Variants in SESN2 observed in about 807,000 individuals in gnomAD.
SESN2 encodes the protein sestrin 2, also known as sestrin-2.
Under a neutral mutation model 56.0 loss-of-function variants are expected in SESN2, and 42 were observed. The ratio of observed to expected loss-of-function variants is 0.75; its 90% CI spans 0.59 to 0.97. The LOEUF (loss-of-function observed/expected upper bound fraction) is 0.97. Ranked by LOEUF, SESN2 falls within the 50% of genes least tolerant of loss-of-function variation. SESN2 has a pLI of 0.00. For synonymous variants in SESN2, 264 were observed against 267.1 expected (o/e 0.99, Z 0.11); for missense variants, 507 against 649.4 (o/e 0.78, Z 2.38).
At chr1:28,260,168 C>T (rs1647322142) in intron 1 of SESN2, among the ~76,000 whole-genome samples, 1 of 148,014 alleles carries the variant, frequency 6.8e-6, no homozygotes, top group Non-Finnish European at 1.5e-5. Flanking sequence ...CCCTCCCTCT[C>T]CCCCTCTCCC....
In SESN2 at chr1:28,273,345, G is replaced by C. The variant is rs1408768020; in HGVS notation, c.751-13G>C. On this transcript the variant is annotated splice_polypyrimidine_tract_variant and intron_variant, in intron 5 of 9. Transcript: ENST00000253063. ...AGGAGGAGTAGCTGGTCACCACGGG[G>C]CCTCTCCTGCAGGGCTTTGAGTCTG... 1 of 1,566,354 alleles carries C rather than the reference G, an allele frequency of 6.4e-7. No homozygotes were observed. Among genetic ancestry groups the C allele is most frequent in the South Asian group, 1.2e-5 (1 of 85,490 alleles).
Position 28,259,759 on chromosome 1 carries a change from C to G in SESN2, c.-89C>G. 1 of 1,039,270 alleles carries G rather than the reference C, an allele frequency of 9.6e-7. No individual in the cohort carries two copies. Among genetic ancestry groups the G allele is most frequent in the Non-Finnish European group, 1.3e-6 (1 of 772,142 alleles). The allele number at this position is 1,039,270 out of a possible 1,614,324, so 64.4% of individuals were successfully genotyped here. ...GGGTTCTAGAAGCTCCCCGGCGGCG[C>G]CCAGTCCCGGCTTCATTCGGGCGTC... On this transcript the variant is annotated 5_prime_UTR_variant, in exon 1 of 10. Transcript: ENST00000253063.
intron 1 of SESN2, among the ~76,000 whole-genome samples, chr1:28,262,869 A>C (rs1019125755): frequency 6.6e-6 from 1 of 152,200 alleles, no homozygotes; most frequent in Non-Finnish European, 1.5e-5. Flanking sequence ...CAGAGGTTGC[A>C]GTGAGCCGAG....
rs760115188 is a variant in SESN2 at position 28,271,740 on chromosome 1, C to T, written c.223C>T (p.Arg75Ter). The change falls in exon 3 of 10, where the codon CGA becomes TGA. Residue 75 changes from arginine (R) to a stop codon, truncating the protein, a stop_gained. Coordinates refer to ENST00000253063, the MANE Select transcript of SESN2 (RefSeq NM_031459.5). LOFTEE classifies it high-confidence loss of function. ...LGLEALMSSGRVDNLAVVMGL... is the reference protein window; with the variant it reads ...LGLEALMSSG ...GCTGGAGGCACTGATGTCCTCTGGG[C>T]GAGTAGACAACCTGGCAGTGGTGAT... is the stretch of plus-strand genomic sequence containing the variant. 138 of 1,614,048 alleles carry T rather than the reference C, an allele frequency of 8.5e-5. No individual in the cohort carries two copies. The highest frequency in any genetic ancestry group is 4.4e-5 in the South Asian group (4 of 91,090).
At chr1:28,266,251 G>A (rs1647555891) in intron 1 of SESN2, among the ~76,000 whole-genome samples, 1 of 152,142 alleles carries the variant, frequency 6.6e-6, no homozygotes, top group Non-Finnish European at 1.5e-5. Context: ...GCGGGAGGTG[G>A]GACCTTGGCA....
At chr1:28,271,619 CTT>C (rs1647777875) in intron 2 of SESN2, 53 bp from the exon 3 acceptor site, 2 of 1,427,834 alleles carry the variant, frequency 1.4e-6, no homozygotes, top group Non-Finnish European at 2.0e-6. Context: ...ACATTGGTCT[CTT>C]TGATGAGTGG....
chr1:28,269,312 G>A (rs1557732059), intron 2 of SESN2, 64 bp downstream of exon 2: 13 of 1,067,740 alleles, frequency 1.2e-5, no homozygotes, highest in Non-Finnish European at 1.8e-5. Flanking sequence ...ATATTGGTAG[G>A]CAGGCATCTT....
rs762021352 is a variant in SESN2, at chr1:28,271,901, A to G, written c.354+30A>G. 8 of 1,608,446 alleles carry G rather than the reference A, an allele frequency of 5.0e-6. No homozygotes were observed. The South Asian group carries it at 8.8e-5, about 18-fold the overall frequency. ...GCCTCTCTGGGCCTGACACTTGGAG[A>G]GGTGGCTTTGTGGTGGGTTCTGTCC... On this transcript the variant is annotated intron_variant, in intron 3 of 9. Coordinates refer to ENST00000253063, the MANE Select transcript of SESN2 (RefSeq NM_031459.5).
At chr1:28,278,773 G>A (rs1648134240) in intron 8 of SESN2, among the ~76,000 whole-genome samples, 1 of 152,164 alleles carries the variant, frequency 6.6e-6, no homozygotes, top group African/African-American at 2.4e-5. Flanking sequence ...TATAACATGG[G>A]GTTGATGAAT....
chr1:28,264,232 T>C (rs1647482515), intron 1 of SESN2, among the ~76,000 whole-genome samples: 1 of 151,910 alleles, frequency 6.6e-6, no homozygotes, highest in African/African-American at 2.4e-5. Context: ...GGCAGGAGAA[T>C]TGCCTGAACT....
Position 28,271,860 on chromosome 1 carries a change from A to C in SESN2, c.343A>C (p.Ile115Leu). ...CTTGGCCAGCTCCTGGCGCCACTAC[A>C]TTGCCATCATGGTGAGCCTCTCTGG... Reference protein sequence around the residue: ...GPLASSWRHYIAIMAAARHQC... With the variant: ...GPLASSWRHYLAIMAAARHQC... Residue 115 changes from isoleucine to leucine, a missense_variant, in exon 3 of 10, where the codon ATT (isoleucine) becomes CTT (leucine). By Grantham distance (5) the Ile-to-Leu change is conservative. Coordinates refer to ENST00000253063, the MANE Select transcript of SESN2 (RefSeq NM_031459.5). 6.2e-7 allele frequency: 1 copy of C among 1,613,948 alleles called. No homozygotes were observed. The highest frequency in any genetic ancestry group is 2.2e-5 in the East Asian group (1 of 44,882).
At chr1:28,260,307 G>C (rs889749442) in intron 1 of SESN2, among the ~76,000 whole-genome samples, 1 of 152,156 alleles carries the variant, frequency 6.6e-6, no homozygotes, top group East Asian at 1.9e-4. Context: ...GGCAAATCCC[G>C]GCCGGAGCGG....
At chr1:28,261,058 C>T (rs567987920) in intron 1 of SESN2, among the ~76,000 whole-genome samples, 65 of 152,274 alleles carry the variant, frequency 4.3e-4, no homozygotes, top group African/African-American at 1.5e-3. Flanking sequence ...GCACTAGGAG[C>T]TTCTAGTTGC....
chr1:28,273,543 G>A, intron 6 of SESN2, 35 bp downstream of exon 6: 2 of 1,522,028 alleles, frequency 1.3e-6, no homozygotes, highest in Non-Finnish European at 1.8e-6. Context: ...TCCCGTGGCT[G>A]CTCCTTCTTA....
intron 2 of SESN2, among the ~76,000 whole-genome samples, chr1:28,270,682 C>G (rs940949807): frequency 1.3e-5 from 2 of 152,046 alleles, no homozygotes; most frequent in Admixed American, 1.3e-4. Flanking sequence ...AGCAATTCTC[C>G]TGCCTCAAGC....
In SESN2 at chr1:28,270,118, GAGGCGGGCGGATCACGAGGTC is replaced by G. The variant is rs1297677400; in HGVS notation, c.156+874_156+894del. ...TGTAATCCCAACACTTTGGGAGGCCGAGGCGGGCGGATCACGAGGTCAGGAGATCGAGACCATCCTGGCTAA... is the reference window on the plus strand; with the variant it reads ...TGTAATCCCAACACTTTGGGAGGCCGAGGAGATCGAGACCATCCTGGCTAA... On this transcript the variant is annotated intron_variant, in intron 2 of 9. Transcript: ENST00000253063. 3.3e-5 allele frequency among the ~76,000 whole-genome samples: 5 copies of G among 152,258 alleles called. No homozygotes were observed. In the East Asian group the frequency reaches 9.6e-4, roughly 29 times the overall value.
At position 28,260,040 on chromosome 1, in the gene SESN2, G is replaced by T. The variant is rs367960714; in HGVS notation, c.90+103G>T. The T allele has an allele frequency of 7.5e-5, 64 of 858,886 alleles. No individual in the cohort carries two copies. The African/African-American group carries it at 1.0e-3, about 14-fold the overall frequency. 53.2% of individuals were successfully genotyped at this position (858,886 alleles called of 1,614,324 possible). The stretch of plus-strand genomic sequence containing the variant: ...TCGGTGTGTCCTGGGCTCGGGGAGG[G>T]AAAGCCGAGCGCGTAACCCGGGACC... On this transcript the variant is annotated intron_variant, in intron 1 of 9. Transcript: ENST00000253063.
At chr1:28,273,995 A>G (rs1446882989) in intron 6 of SESN2, 45 bp from the exon 7 acceptor site, 2 of 1,248,040 alleles carry the variant, frequency 1.6e-6, no homozygotes, top group African/African-American at 3.0e-5. Context: ...GGACCCCTGC[A>G]TGCCCCATGC....
intron 7 of SESN2, 55 bp downstream of exon 7, chr1:28,274,213 G>A: frequency 8.6e-7 from 1 of 1,161,302 alleles, no homozygotes; most frequent in Non-Finnish European, 1.3e-6. Flanking sequence ...AACAAGCAGT[G>A]GGTGGATAGT....
Sources: allele counts gnomAD v4.1 joint callset (sites outside exome capture counted in the v4.1 genomes callset), GRCh38; gene constraint gnomAD v4.1.1; transcripts MANE v1.5; gene names NCBI Gene and HGNC (gene_info 2026-07-23, HGNC 2026-07-21).